The following PPP2R5E variants were observed in gnomAD, a reference collection of about 807,000 sequenced individuals.
PPP2R5E encodes the protein protein phosphatase 2 regulatory subunit B'epsilon, also known as serine/threonine-protein phosphatase 2A 56 kDa regulatory subunit epsilon isoform.
In PPP2R5E, 4 loss-of-function variants were observed where a neutral mutation model predicts 65.3. That is an observed-to-expected ratio of 0.06 (90% CI 0.03 to 0.14). PPP2R5E has a LOEUF of 0.14. PPP2R5E is among the 10% of genes least tolerant of loss of function. The pLI is 1.00. For synonymous variants in PPP2R5E, 183 were observed against 187.4 expected (o/e 0.98, Z 0.19); for missense variants, 274 against 556.1 (o/e 0.49, Z 5.10).
intron 2 of PPP2R5E, among the ~76,000 whole-genome samples, chr14:63,507,830 G>A (rs1030481804): frequency 6.6e-6 from 1 of 151,866 alleles, no homozygotes; most frequent in African/African-American, 2.4e-5. Context: ...CGCCCACCTC[G>A]GCCTCCCAAA....
At chr14:63,511,616 C>A (rs79488303) in intron 2 of PPP2R5E, among the ~76,000 whole-genome samples, 18 of 152,286 alleles carry the variant, frequency 1.2e-4, no homozygotes, top group Non-Finnish European at 2.5e-4. Context: ...AGCCACCTAA[C>A]AGCATTATAT....
rs760953196 is a variant in PPP2R5E at position 63,389,771 on chromosome 14, T to C, written c.955-40A>G. ...AAAATACAAGATGTGAGGCACATCA[T>C]GAAAAAAAATCCATAAGAACAAGGA... On this transcript the variant is annotated intron_variant, in intron 10 of 13. Transcript: ENST00000337537. 21 of 1,516,332 alleles carry C rather than the reference T, an allele frequency of 1.4e-5. No homozygotes were observed. The East Asian group carries it at 4.8e-4, about 35-fold the overall frequency. The allele number at this position is 1,516,332 out of a possible 1,614,324, so 93.9% of individuals were successfully genotyped here. A position where few individuals can be genotyped will look rare whatever the true frequency, so the allele number is the denominator to read the frequency against.
At chr14:63,502,052 G>A (rs1013214111) in intron 2 of PPP2R5E, among the ~76,000 whole-genome samples, 1 of 151,998 alleles carries the variant, frequency 6.6e-6, no homozygotes. Context: ...GCACCATCAC[G>A]CCCAGCTAAT....
intron 2 of PPP2R5E, among the ~76,000 whole-genome samples, chr14:63,503,955 A>G (rs1892033371): frequency 1.3e-5 from 2 of 152,226 alleles, no homozygotes; most frequent in South Asian, 2.1e-4. Flanking sequence ...TTAAGCATGC[A>G]GTCCCAAAAT....
intron 6 of PPP2R5E, 70 bp downstream of exon 6, chr14:63,396,516 T>G: frequency 1.6e-5 from 24 of 1,542,888 alleles, no homozygotes; most frequent in Non-Finnish European, 1.9e-5. Context: ...TTCAGATATT[T>G]GAGATTTACT....
intron 2 of PPP2R5E, among the ~76,000 whole-genome samples, chr14:63,536,304 G>A (rs1056827995): frequency 6.6e-6 from 1 of 152,112 alleles, no homozygotes; most frequent in Non-Finnish European, 1.5e-5. Flanking sequence ...AATCATTAGG[G>A]CAATGCAAAT....
intron 2 of PPP2R5E, among the ~76,000 whole-genome samples, chr14:63,496,727 T>A (rs1212963369): frequency 6.6e-6 from 1 of 152,058 alleles, no homozygotes. Context: ...ATCTGAGTAA[T>A]CAAAACTAAT....
chr14:63,424,009 TCACTC>T (rs934652150), intron 3 of PPP2R5E, among the ~76,000 whole-genome samples: 2 of 151,590 alleles, frequency 1.3e-5, no homozygotes, highest in African/African-American at 4.8e-5. Context: ...AAAAAAAAAA[TCACTC>T]CAACAGCTAT....
At chr14:63,426,764 G>T (rs1404026063) in intron 3 of PPP2R5E, among the ~76,000 whole-genome samples, 1 of 147,506 alleles carries the variant, frequency 6.8e-6, no homozygotes, top group Non-Finnish European at 1.5e-5. Flanking sequence ...GCTCATGAAT[G>T]AATGATTTAA....
chr14:63,459,646 G>A (rs28372244), intron 2 of PPP2R5E, among the ~76,000 whole-genome samples: 34,510 of 152,060 alleles, frequency 0.23, 4,216 homozygotes, highest in East Asian at 0.31. Flanking sequence ...GTTCAAAGAT[G>A]TTTGTTGTTG....
At chr14:63,508,756 A>C (rs1057154066) in intron 2 of PPP2R5E, among the ~76,000 whole-genome samples, 2 of 152,164 alleles carry the variant, frequency 1.3e-5, no homozygotes, top group Non-Finnish European at 2.9e-5. Flanking sequence ...CCCTCTTTCC[A>C]CTAAATATTT....
At chr14:63,522,186 T>C (rs1156759493) in intron 2 of PPP2R5E, among the ~76,000 whole-genome samples, 1 of 151,918 alleles carries the variant, frequency 6.6e-6, no homozygotes, top group Non-Finnish European at 1.5e-5. Flanking sequence ...CCGCGAGTGA[T>C]CCACCAGCCT....
chr14:63,507,001 T>C (rs906854066), intron 2 of PPP2R5E, among the ~76,000 whole-genome samples: 2 of 152,208 alleles, frequency 1.3e-5, no homozygotes, highest in Non-Finnish European at 2.9e-5. Context: ...TGGAGGAACC[T>C]TGAGAATCTG....
chr14:63,430,921 C>G (rs1394251353), intron 3 of PPP2R5E, among the ~76,000 whole-genome samples: 3 of 152,144 alleles, frequency 2.0e-5, no homozygotes, highest in Non-Finnish European at 4.4e-5. Context: ...ATTAACACAG[C>G]TACTTAAAAG....
chr14:63,402,868 C>A (rs1054290829), intron 5 of PPP2R5E, among the ~76,000 whole-genome samples: 3 of 152,004 alleles, frequency 2.0e-5, no homozygotes, highest in Non-Finnish European at 4.4e-5. Flanking sequence ...AAAAAAAAGT[C>A]ATCAATGTCA....
chr14:63,388,469 T>C (rs566052027), intron 11 of PPP2R5E, among the ~76,000 whole-genome samples: 1 of 152,254 alleles, frequency 6.6e-6, no homozygotes, highest in South Asian at 2.1e-4. Flanking sequence ...AAATACTTGT[T>C]CCTTGACCTC....
intron 3 of PPP2R5E, chr14:63,453,258 T>G (rs1223039924): frequency 6.5e-6 from 1 of 153,180 alleles, no homozygotes; most frequent in Non-Finnish European, 1.5e-5. Flanking sequence ...AGGCCTTAAC[T>G]ACATTCTACA....
intron 3 of PPP2R5E, among the ~76,000 whole-genome samples, chr14:63,422,452 C>T (rs1435678859): frequency 4.6e-5 from 7 of 152,172 alleles, no homozygotes; most frequent in Admixed American, 2.0e-4. Flanking sequence ...GCTGGCCGGG[C>T]GCAGTGGCTC....
At chr14:63,521,001 T>G (rs769593062) in intron 2 of PPP2R5E, among the ~76,000 whole-genome samples, 2 of 151,564 alleles carry the variant, frequency 1.3e-5, no homozygotes, top group Middle Eastern at 3.4e-3. Context: ...ATCGCGCCAC[T>G]GCACTCCAGC....
Sources: allele counts gnomAD v4.1 joint callset (sites outside exome capture counted in the v4.1 genomes callset), GRCh38; gene constraint gnomAD v4.1.1; transcripts MANE v1.5; gene names NCBI Gene and HGNC (gene_info 2026-07-23, HGNC 2026-07-21).